Variants in PRKD1 observed in about 807,000 individuals in gnomAD.
PRKD1 encodes protein kinase D1, also known as serine/threonine-protein kinase D1.
Under a neutral mutation model 95.9 loss-of-function variants are expected in PRKD1, and 63 were observed. The observed-to-expected ratio is 0.66, with a 90% CI of 0.54 to 0.81. PRKD1 has a LOEUF of 0.81. Ranked by LOEUF, PRKD1 falls within the 30% of genes least tolerant of loss-of-function variation. The probability of loss-of-function intolerance (pLI) is 0.00; values close to 1 mark genes in which losing one functional copy is unlikely to be tolerated. For missense variants in PRKD1, 1,048 were observed against 1,165.3 expected, an observed-to-expected ratio of 0.90 and a Z score of 1.47; for synonymous variants, 425 against 423.1, an observed-to-expected ratio of 1.00 and a Z score of -0.05.
At chr14:29,693,068 AT>A (rs11327891) in intron 2 of PRKD1, among the ~76,000 whole-genome samples, 78,892 of 151,852 alleles carry the variant, frequency 0.52, 23,137 homozygotes, top group African/African-American at 0.8. Flanking sequence ...GAATTTGGGC[AT>A]TTTTTTTGAT....
intron 4 of PRKD1, among the ~76,000 whole-genome samples, chr14:29,653,644 T>G (rs1594398766): frequency 1.3e-5 from 2 of 152,136 alleles, no homozygotes; most frequent in Non-Finnish European, 1.5e-5. Context: ...CATGTTGATT[T>G]ATTTTCAACA....
intron 10 of PRKD1, 127 bp downstream of exon 10, chr14:29,630,615 A>G: frequency 8.0e-7 from 1 of 1,244,556 alleles, no homozygotes; most frequent in Non-Finnish European, 1.1e-6. Context: ...TACATTCTAC[A>G]ATAAACTAAG....
intron 1 of PRKD1, among the ~76,000 whole-genome samples, chr14:29,896,585 C>A (rs996150824): frequency 2.0e-5 from 3 of 152,040 alleles, no homozygotes; most frequent in African/African-American, 4.8e-5. Flanking sequence ...TGGGCAAACA[C>A]AATTCAAAAC....
intron 2 of PRKD1, among the ~76,000 whole-genome samples, chr14:29,720,079 G>A (rs1008640662): frequency 1.3e-5 from 2 of 152,172 alleles, no homozygotes; most frequent in South Asian, 4.1e-4. Context: ...TGTTTAATAA[G>A]CATACGCATC....
intron 1 of PRKD1, among the ~76,000 whole-genome samples, chr14:29,727,208 C>T (rs964102455): frequency 6.6e-6 from 1 of 152,086 alleles, no homozygotes; most frequent in Admixed American, 6.6e-5. Flanking sequence ...TTATGAGAAG[C>T]ATCTGTTCAT....
intron 2 of PRKD1, among the ~76,000 whole-genome samples, chr14:29,669,977 C>T (rs1334614130): frequency 6.6e-6 from 1 of 152,204 alleles, no homozygotes; most frequent in Non-Finnish European, 1.5e-5. Context: ...TACTCACAAT[C>T]AGTTTATTGC....
intron 1 of PRKD1, among the ~76,000 whole-genome samples, chr14:29,736,311 A>C (rs1207756295): frequency 6.6e-6 from 1 of 152,220 alleles, no homozygotes; most frequent in Non-Finnish European, 1.5e-5. Context: ...GCCTAAATAG[A>C]AACTATATAC....
chr14:29,669,826 C>T (rs1018202944), intron 2 of PRKD1, among the ~76,000 whole-genome samples: 1 of 152,148 alleles, frequency 6.6e-6, no homozygotes, highest in Non-Finnish European at 1.5e-5. Flanking sequence ...CAAGATCACA[C>T]CATTGCACTC....
At chr14:29,864,217 ACAGT>A in intron 1 of PRKD1, among the ~76,000 whole-genome samples, 1 of 152,264 alleles carries the variant, frequency 6.6e-6, no homozygotes, top group Admixed American at 6.5e-5. Context: ...CCAATATAAC[ACAGT>A]CAGAAGACAA....
intron 2 of PRKD1, among the ~76,000 whole-genome samples, chr14:29,714,194 AC>A (rs2139364146): frequency 6.6e-6 from 1 of 152,310 alleles, no homozygotes; most frequent in South Asian, 2.1e-4. Flanking sequence ...TGTTTGGGGT[AC>A]TAAGGTATGA....
chr14:29,674,879 C>T (rs1252433610), intron 2 of PRKD1, among the ~76,000 whole-genome samples: 5 of 152,164 alleles, frequency 3.3e-5, no homozygotes, highest in Non-Finnish European at 5.9e-5. Flanking sequence ...GACACAGGGA[C>T]GAGGTTCTAT....
At chr14:29,827,975 CTT>C (rs1891263010) in intron 1 of PRKD1, among the ~76,000 whole-genome samples, 1 of 151,962 alleles carries the variant, frequency 6.6e-6, no homozygotes. Context: ...CCTTGGCCTC[CTT>C]TTGTTTTCTC....
chr14:29,776,346 C>T (rs545597740), intron 1 of PRKD1, among the ~76,000 whole-genome samples: 4 of 152,170 alleles, frequency 2.6e-5, no homozygotes, highest in Non-Finnish European at 4.4e-5. Flanking sequence ...CAAACTTCTC[C>T]GAGCTAAAGG....
intron 1 of PRKD1, among the ~76,000 whole-genome samples, chr14:29,898,001 T>C (rs1894191705): frequency 6.6e-6 from 1 of 152,084 alleles, no homozygotes; most frequent in Admixed American, 6.5e-5. Flanking sequence ...AAATTTAAAA[T>C]AAGTTAAAAA....
intron 1 of PRKD1, among the ~76,000 whole-genome samples, chr14:29,757,833 A>T (rs922087776): frequency 1.3e-5 from 2 of 151,986 alleles, no homozygotes; most frequent in Non-Finnish European, 2.9e-5. Flanking sequence ...GACCTTGCCA[A>T]AGTCAGAGCC....
chr14:29,642,993 C>T (rs73255533), intron 4 of PRKD1, among the ~76,000 whole-genome samples: 4,256 of 151,044 alleles, frequency 0.028, 182 homozygotes, highest in African/African-American at 0.092. Context: ...TTAATATGTT[C>T]AGAGAAAAAA....
chr14:29,737,544 C>G (rs888023946), intron 1 of PRKD1, among the ~76,000 whole-genome samples: 11 of 152,042 alleles, frequency 7.2e-5, no homozygotes, highest in Admixed American at 6.6e-4. Context: ...CATGACTGCA[C>G]CCCCTTAATG....
chr14:29,766,395 A>G (rs1020014314), intron 1 of PRKD1, among the ~76,000 whole-genome samples: 1 of 152,186 alleles, frequency 6.6e-6, no homozygotes, highest in Admixed American at 6.5e-5. Flanking sequence ...GGGAAATAGG[A>G]TATCACAGGA....
intron 2 of PRKD1, among the ~76,000 whole-genome samples, chr14:29,669,590 G>GGGC (rs1391504161): frequency 6.6e-6 from 1 of 152,194 alleles, no homozygotes; most frequent in Admixed American, 6.5e-5. Flanking sequence ...AATATTGGCT[G>GGGC]GGCATAGTGG....
Sources: allele counts gnomAD v4.1 joint callset (sites outside exome capture counted in the v4.1 genomes callset), GRCh38; gene constraint gnomAD v4.1.1; transcripts MANE v1.5; gene names NCBI Gene and HGNC (gene_info 2026-07-23, HGNC 2026-07-21).